Variants in SGIP1 observed in about 807,000 individuals in gnomAD.
SGIP1 encodes SH3-containing GRB2-like protein 3-interacting protein 1.
A neutral mutation model predicts 107.5 loss-of-function variants in SGIP1; 38 were observed. The ratio of observed to expected loss-of-function variants is 0.35; its 90% CI spans 0.27 to 0.46. The LOEUF is 0.46. Ranked by LOEUF, SGIP1 falls within the 20% of genes least tolerant of loss-of-function variation. The probability of loss-of-function intolerance (pLI) is 1.00; values close to 1 mark genes in which losing one functional copy is unlikely to be tolerated. For synonymous variants in SGIP1, 365 were observed against 366.1 expected, an observed-to-expected ratio of 1.00 and a Z score of 0.03; for missense variants, 929 against 1,019.5, an observed-to-expected ratio of 0.91 and a Z score of 1.21.
intron 17 of SGIP1, among the ~76,000 whole-genome samples, chr1:66,691,377 T>G (rs1243642474): frequency 6.6e-6 from 1 of 152,232 alleles, no homozygotes; most frequent in East Asian, 1.9e-4. Context: ...GTGTGCCTTT[T>G]AAGGCCCCCA....
Position 66,706,435 on chromosome 1 carries a change from T to G in SGIP1, c.1630+10942T>G, listed in dbSNP as rs901543358. On this transcript the variant is annotated intron_variant, in intron 18 of 24. Coordinates refer to ENST00000371037, the MANE Select transcript of SGIP1 (RefSeq NM_032291.4). ...ATAAATATATATGATATAATTTATA[T>G]AGAGATACACATTTATATATAATAT... 1.0e-3 allele frequency among the ~76,000 whole-genome samples: 128 copies of G among 127,886 alleles called. 1 individual carries two copies. The highest frequency in any genetic ancestry group is 3.0e-3 in the African/African-American group (108 of 36,444). 83.9% of individuals were successfully genotyped at this position (127,886 alleles called of 152,430 possible).
Position 66,700,147 on chromosome 1 carries a change from G to T in SGIP1, c.1630+4654G>T, listed in dbSNP as rs563961346. 8.3e-4 allele frequency among the ~76,000 whole-genome samples: 126 copies of T among 152,180 alleles called. 3 individuals carry two copies. The Middle Eastern group carries it at 0.014, about 16-fold the overall frequency. On this transcript the variant is annotated intron_variant, in intron 18 of 24. Coordinates refer to ENST00000371037, the MANE Select transcript of SGIP1 (RefSeq NM_032291.4). Reference sequence around the variant, plus strand: ...GCACTTTGGGAGGCCGAGGCGAGTGGATCACCTGTGGTCAGGAGTTCAAGA... The same window carrying T: ...GCACTTTGGGAGGCCGAGGCGAGTGTATCACCTGTGGTCAGGAGTTCAAGA...
chr1:66,596,681 CT>C (rs1248978188), intron 1 of SGIP1, among the ~76,000 whole-genome samples: 1 of 151,396 alleles, frequency 6.6e-6, no homozygotes, highest in African/African-American at 2.4e-5. Context: ...ATTTGGCTGC[CT>C]TCTGCCACTC....
chr1:66,662,874 AG>A (rs2081806181), intron 8 of SGIP1, among the ~76,000 whole-genome samples: 1 of 152,236 alleles, frequency 6.6e-6, no homozygotes, highest in African/African-American at 2.4e-5. Flanking sequence ...AAAGTCTCTG[AG>A]TAATCAGACA....
In SGIP1 at chr1:66,683,700, C is replaced by CTTT. The variant is rs869266510; in HGVS notation, c.1315+1357_1315+1359dup. On this transcript the variant is annotated intron_variant, in intron 15 of 24. Coordinates refer to ENST00000371037, the MANE Select transcript of SGIP1 (RefSeq NM_032291.4). ...ACCACACTGTTTGTTTGTTTCTTTT[C>CTTT]TTTTTTTTTTTTTTTTTTTTTTTTT... Among the ~76,000 whole-genome samples, 35 of 61,392 alleles carry CTTT rather than the reference C, an allele frequency of 5.7e-4. 1 individual carries two copies. The highest frequency in any genetic ancestry group is 9.6e-4 in the African/African-American group (17 of 17,646). The allele number at this position is 61,392 out of a possible 152,430, so 40.3% of individuals were successfully genotyped here.
At chr1:66,707,564 G>T (rs2092610784) in intron 18 of SGIP1, among the ~76,000 whole-genome samples, 1 of 152,142 alleles carries the variant, frequency 6.6e-6, no homozygotes. Flanking sequence ...ATTTTTGACA[G>T]ATACAGTTAT....
intron 7 of SGIP1, chr1:66,660,000 C>A (rs12120265): frequency 0.22 from 8,452 of 38,526 alleles, 1,476 homozygotes; most frequent in East Asian, 0.89. Context: ...GAAAGAAAGA[C>A]AGACAGACAG....
chr1:66,614,976 C>A (rs1021836554), intron 1 of SGIP1, among the ~76,000 whole-genome samples: 3 of 151,308 alleles, frequency 2.0e-5, no homozygotes, highest in Admixed American at 1.3e-4. Context: ...TGTGCCACCA[C>A]GCCCGGCTAA....
chr1:66,673,434 T>A, intron 12 of SGIP1, 68 bp downstream of exon 12: 1 of 1,331,528 alleles, frequency 7.5e-7, no homozygotes, highest in African/African-American at 1.5e-5. Context: ...TCTTCTAGAT[T>A]AAATGTATGT....
At chr1:66,724,954 C>T (rs936400297) in intron 19 of SGIP1, among the ~76,000 whole-genome samples, 1 of 152,136 alleles carries the variant, frequency 6.6e-6, no homozygotes, top group Non-Finnish European at 1.5e-5. Context: ...AAACAATATT[C>T]TACATGTCCA....
intron 1 of SGIP1, among the ~76,000 whole-genome samples, chr1:66,547,670 AG>A (rs2056662284): frequency 6.6e-6 from 1 of 152,174 alleles, no homozygotes; most frequent in African/African-American, 2.4e-5. Flanking sequence ...GACACAGGCG[AG>A]CAAGACACAT....
intron 14 of SGIP1, among the ~76,000 whole-genome samples, chr1:66,680,379 A>G (rs1242063317): frequency 6.6e-6 from 1 of 152,216 alleles, no homozygotes; most frequent in Non-Finnish European, 1.5e-5. Context: ...ATAGTCTGCC[A>G]AGTCTTACTG....
At chr1:66,535,156 A>G (rs1463690132) in intron 1 of SGIP1, among the ~76,000 whole-genome samples, 1 of 152,198 alleles carries the variant, frequency 6.6e-6, no homozygotes, top group Non-Finnish European at 1.5e-5. Flanking sequence ...TATTCTGCTA[A>G]ATTACCCTTC....
At chr1:66,609,964 C>G (rs2067624654) in intron 1 of SGIP1, among the ~76,000 whole-genome samples, 1 of 151,938 alleles carries the variant, frequency 6.6e-6, no homozygotes, top group African/African-American at 2.4e-5. Flanking sequence ...CTTTACTTTC[C>G]TTCTGCCTTT....
chr1:66,684,914 C>T (rs1014569826), intron 15 of SGIP1, among the ~76,000 whole-genome samples: 12 of 152,140 alleles, frequency 7.9e-5, no homozygotes, highest in African/African-American at 2.4e-4. Context: ...AAAAGCTTGA[C>T]TTTACTGGTA....
At chr1:66,689,334 C>T (rs1009595132) in intron 16 of SGIP1, 59 bp downstream of exon 16, 1 of 1,577,036 alleles carries the variant, frequency 6.3e-7, no homozygotes, top group Non-Finnish European at 8.6e-7. Flanking sequence ...ACAGAAGCTC[C>T]AAATGCCTTC....
At chr1:66,658,102 C>A (rs575409240) in intron 7 of SGIP1, among the ~76,000 whole-genome samples, 2 of 151,990 alleles carry the variant, frequency 1.3e-5, no homozygotes, top group African/African-American at 2.4e-5. Flanking sequence ...GAGGGGTAAC[C>A]TTTATCATTT....
intron 15 of SGIP1, among the ~76,000 whole-genome samples, chr1:66,684,498 GACATTACT>G (rs1213960222): frequency 6.6e-6 from 1 of 152,104 alleles, no homozygotes; most frequent in Non-Finnish European, 1.5e-5. Context: ...CAAACCCAAA[GACATTACT>G]CGTCCGTTAT....
At chr1:66,583,469 C>G (rs2062103547) in intron 1 of SGIP1, among the ~76,000 whole-genome samples, 3 of 152,122 alleles carry the variant, frequency 2.0e-5, no homozygotes, top group African/African-American at 7.2e-5. Flanking sequence ...ACTATTTGCT[C>G]AAAGGCTGGT....
Sources: gnomAD v4.1 joint callset for allele counts (sites outside exome capture counted in the v4.1 genomes callset) on GRCh38, gnomAD v4.1.1 for gene constraint, MANE v1.5 for transcripts, NCBI Gene and HGNC (gene_info 2026-07-23, HGNC 2026-07-21) for gene names.